TNRC6B: variants seen among roughly 807,000 people sequenced by gnomAD.
The protein encoded by TNRC6B is trinucleotide repeat containing adaptor 6B, also known as trinucleotide repeat-containing gene 6B protein.
TNRC6B carries 52 observed loss-of-function variants against 203.6 expected under a neutral mutation model. The observed-to-expected ratio is 0.26, with a 90% CI of 0.20 to 0.32. The LOEUF (loss-of-function observed/expected upper bound fraction) is 0.32, where lower values mean the gene tolerates loss of function less well. Among genes scored for constraint, TNRC6B ranks in the 10% least tolerant of loss-of-function variants. The pLI, the probability that TNRC6B is intolerant of heterozygous loss-of-function variation, is 1.00. For missense variants in TNRC6B, 1,923 were observed against 2,286.2 expected (o/e 0.84, Z 3.24); for synonymous variants, 838 against 845.7 (o/e 0.99, Z 0.16).
In TNRC6B at chr22:40,154,414, A is replaced by T. The variant is rs531352381; in HGVS notation, c.46-1701A>T. ...GGGAGGTGGAGGTTGCAGTGAGCCA[A>T]GATCACGTCATTGCACTCCAACCTG... is the stretch of plus-strand genomic sequence containing the variant. On this transcript the variant is annotated intron_variant, in intron 3 of 23. Transcript: ENST00000301923. 4.0e-5 allele frequency among the ~76,000 whole-genome samples: 6 copies of T among 151,564 alleles called. No homozygotes were observed. The East Asian group carries it at 1.2e-3, about 29-fold the overall frequency.
At chr22:40,239,913 C>G (rs894755882) in intron 1 of TNRC6B, among the ~76,000 whole-genome samples, 1 of 152,104 alleles carries the variant, frequency 6.6e-6, no homozygotes, top group Non-Finnish European at 1.5e-5. Flanking sequence ...TCTCAGCTCA[C>G]TGCAACTTCT....
intron 1 of TNRC6B, among the ~76,000 whole-genome samples, chr22:40,205,023 T>A (rs570259880): frequency 6.6e-6 from 1 of 152,234 alleles, no homozygotes; most frequent in South Asian, 2.1e-4. Context: ...TATACAACTA[T>A]GTAGCTAAGA....
At chr22:40,073,146 T>C in intron 1 of TNRC6B, among the ~76,000 whole-genome samples, 1 of 149,968 alleles carries the variant, frequency 6.7e-6, no homozygotes, top group South Asian at 2.1e-4. Flanking sequence ...CCTTGGTTTT[T>C]TTTTTTTTTT....
At chr22:40,074,087 C>G (rs1191413051) in intron 1 of TNRC6B, among the ~76,000 whole-genome samples, 1 of 145,878 alleles carries the variant, frequency 6.9e-6, no homozygotes, top group Non-Finnish European at 1.5e-5. Flanking sequence ...AAAAAAAAAG[C>G]CAGATGTGAT....
rs536120086 is a variant in TNRC6B at position 40,079,571 on chromosome 22, G to GTATATATA, written c.-121+34579_-121+34586dup. ...TATTTATATTTAATCCCAAATCTAA[G>GTATATATA]TATATATATATATTTTTTATGATAT... is the stretch of plus-strand genomic sequence containing the variant. On this transcript the variant is annotated intron_variant, in intron 1 of 23. Coordinates refer to the TNRC6B transcript ENST00000301923. Among the ~76,000 whole-genome samples the GTATATATA allele has an allele frequency of 2.6e-3, 390 of 147,688 alleles. 5 individuals are homozygous for GTATATATA. The highest frequency in any genetic ancestry group is 8.7e-3 in the African/African-American group (330 of 38,052).
At chr22:40,315,194 TTATGTG>T (rs2071241513) in intron 19 of TNRC6B, 83 bp from the exon 20 acceptor site, 3 of 969,794 alleles carry the variant, frequency 3.1e-6, no homozygotes, top group Non-Finnish European at 4.8e-6. Flanking sequence ...GTGCATGTAT[TTATGTG>T]TATGTAGATA....
chr22:40,163,161 C>G (rs1331746641), intron 4 of TNRC6B, among the ~76,000 whole-genome samples: 3 of 151,780 alleles, frequency 2.0e-5, no homozygotes, highest in Admixed American at 6.6e-5. Flanking sequence ...CGCCTGTAAT[C>G]TCAACACTTG....
At chr22:40,142,012 G>A (rs760342763) in intron 3 of TNRC6B, among the ~76,000 whole-genome samples, 5 of 150,872 alleles carry the variant, frequency 3.3e-5, no homozygotes, top group African/African-American at 4.9e-5. Context: ...CACCCACCTC[G>A]GCCTCCCAAA....
rs764639597 is a variant in TNRC6B at position 40,323,051 on chromosome 22, G to T, written c.5312G>T (p.Gly1771Val). 8.7e-6 allele frequency: 14 copies of T among 1,601,548 alleles called. No homozygotes were observed. Among genetic ancestry groups the T allele is most frequent in the South Asian group, 1.1e-5 (1 of 89,778 alleles). ...PALNLFGGST[G>V]LGQWSSSAGG... ...CTGAATCTTTTTGGTGGGTCCACTG[G>T]GCTCGGGCAGTGGAGCAGCAGCGCT... The change falls in exon 23 of 23, where the codon GGG becomes GTG. Residue 1771 changes from glycine to valine, a missense_variant. Physicochemically the swap from Gly to Val is moderately radical, Grantham distance 109. Coordinates refer to ENST00000454349, the MANE Select transcript of TNRC6B (RefSeq NM_001162501.2).
intron 5 of TNRC6B, among the ~76,000 whole-genome samples, chr22:40,269,235 G>T (rs2070525471): frequency 7.1e-6 from 1 of 139,992 alleles, no homozygotes; most frequent in African/African-American, 2.6e-5. Flanking sequence ...CCGGGTTCAA[G>T]TGAGCCTCCT....
chr22:40,196,487 C>T (rs989631171), intron 1 of TNRC6B, among the ~76,000 whole-genome samples: 2 of 152,024 alleles, frequency 1.3e-5, no homozygotes, highest in African/African-American at 4.8e-5. Context: ...AACTGGGCCT[C>T]GTTGGAGTCT....
chr22:40,285,703 C>A lies in TNRC6B; in HGVS notation c.3641C>A (p.Pro1214His), dbSNP rs2070770997. Residue 1214 changes from proline to histidine, a missense_variant, in exon 12 of 23, where the codon CCC (proline) becomes CAC (histidine). This residue lies in a region of TNRC6B where 242 missense variants were observed against 399.5 expected (regional missense o/e 0.61). Transcript: ENST00000454349. ...GCACAATCGAGAGGTCTGCACACAC[C>A]CGTGCAGCCACTAAATTCTTCTCCC... ...STAQSRGLHT[P>H]VQPLNSSPSL... The A allele has an allele frequency of 2.5e-6, 4 of 1,613,828 alleles. No homozygotes were observed. Among genetic ancestry groups the A allele is most frequent in the Non-Finnish European group, 3.4e-6 (4 of 1,179,768 alleles).
At chr22:40,301,468 A>G in intron 15 of TNRC6B, 135 bp downstream of exon 15, 1 of 976,434 alleles carries the variant, frequency 1.0e-6, no homozygotes, top group Non-Finnish European at 1.5e-6. Context: ...CCTGGTTTAC[A>G]GATGAGACAT....
chr22:40,219,598 G>A (rs374464348), intron 1 of TNRC6B, among the ~76,000 whole-genome samples: 4 of 152,232 alleles, frequency 2.6e-5, no homozygotes, highest in East Asian at 1.9e-4. Context: ...GAGGAAATTG[G>A]TGTCCGTGGT....
rs375740773 is a variant in TNRC6B, at chr22:40,222,871, G to C, written c.6-23144G>C. On this transcript the variant is annotated intron_variant, in intron 1 of 22. Transcript: ENST00000454349. ...GGCAATCCGCCTGCCTCAGCCTTGTGAGTAGCTGGGACTACAGGCGTGCAC... is the reference window on the plus strand; with the variant it reads ...GGCAATCCGCCTGCCTCAGCCTTGTCAGTAGCTGGGACTACAGGCGTGCAC... Among the ~76,000 whole-genome samples the C allele has an allele frequency of 4.0e-3, 596 of 149,162 alleles. 4 individuals carry two copies. The highest frequency in any genetic ancestry group is 0.014 in the African/African-American group (561 of 40,446).
intron 1 of TNRC6B, among the ~76,000 whole-genome samples, chr22:40,104,133 CCTA>C (rs2146307358): frequency 6.6e-6 from 1 of 152,058 alleles, no homozygotes; most frequent in Non-Finnish European, 1.5e-5. Flanking sequence ...TGCCTATAAT[CCTA>C]ACTACTCAGG....
chr22:40,052,043 T>C (rs2067750304), intron 1 of TNRC6B, among the ~76,000 whole-genome samples: 1 of 152,188 alleles, frequency 6.6e-6, no homozygotes, highest in South Asian at 2.1e-4. Flanking sequence ...CTCCACATAG[T>C]TGAAGGGCCA....
At chr22:40,081,205 T>C (rs2068061229) in intron 1 of TNRC6B, among the ~76,000 whole-genome samples, 1 of 151,932 alleles carries the variant, frequency 6.6e-6, no homozygotes. Context: ...TCTCATAGCC[T>C]AAGCCCTAGC....
At chr22:40,135,170 G>A (rs2068588924) in intron 3 of TNRC6B, among the ~76,000 whole-genome samples, 1 of 152,196 alleles carries the variant, frequency 6.6e-6, no homozygotes, top group African/African-American at 2.4e-5. Flanking sequence ...TTCCAACTGT[G>A]CAGGAGCTGC....
Sources: gnomAD v4.1 joint callset for allele counts (sites outside exome capture counted in the v4.1 genomes callset) on GRCh38, gnomAD v4.1.1 for gene constraint, gnomAD v4.1.1 regional missense constraint, MANE v1.5 for transcripts, NCBI Gene and HGNC (gene_info 2026-07-23, HGNC 2026-07-21) for gene names.